Variants in MAP4K3 observed in about 807,000 individuals in gnomAD.
MAP4K3 encodes the protein mitogen-activated protein kinase kinase kinase kinase 3.
Under a neutral mutation model 143.5 loss-of-function variants are expected in MAP4K3, and 94 were observed. The ratio of observed to expected loss-of-function variants is 0.65; its 90% CI spans 0.55 to 0.78. The LOEUF is 0.78. Ranked by LOEUF, MAP4K3 falls within the 30% of genes least tolerant of loss-of-function variation. MAP4K3 has a pLI of 0.00. For missense variants in MAP4K3, 1,077 were observed against 1,068.1 expected (o/e 1.01, Z -0.12); for synonymous variants, 416 against 347.2 (o/e 1.20, Z -2.20).
At chr2:39,407,991 CTCCA>C (rs1353216385) in intron 1 of MAP4K3, among the ~76,000 whole-genome samples, 2 of 151,992 alleles carry the variant, frequency 1.3e-5, no homozygotes, top group Non-Finnish European at 2.9e-5. Flanking sequence ...GATAGGCTAA[CTCCA>C]TCCACTGTTT....
At chr2:39,380,184 C>T (rs1666323117) in intron 1 of MAP4K3, among the ~76,000 whole-genome samples, 1 of 152,056 alleles carries the variant, frequency 6.6e-6, no homozygotes, top group Non-Finnish European at 1.5e-5. Context: ...GAAATATCTT[C>T]CAATATGTAA....
In MAP4K3 at chr2:39,418,522, A is replaced by C. The variant is rs188716932; in HGVS notation, c.96+18370T>G. Among the ~76,000 whole-genome samples the C allele has an allele frequency of 5.4e-3, 824 of 152,268 alleles. 9 individuals carry two copies. The highest frequency in any genetic ancestry group is 0.019 in the African/African-American group (769 of 41,550). ...GCGCTGTGTTTAGTGACTTGCTTCC[A>C]AACAGAACAAAATGGAAAAGTGGGG... On this transcript the variant is annotated intron_variant, in intron 1 of 33. Coordinates refer to ENST00000263881, the MANE Select transcript of MAP4K3 (RefSeq NM_003618.4).
At chr2:39,416,222 T>A (rs1051665137) in intron 1 of MAP4K3, among the ~76,000 whole-genome samples, 1 of 151,512 alleles carries the variant, frequency 6.6e-6, no homozygotes, top group African/African-American at 2.4e-5. Flanking sequence ...AACTTCAGAA[T>A]AACTAAGCCT....
At chr2:39,280,594 G>A (rs79579910) in intron 22 of MAP4K3, among the ~76,000 whole-genome samples, 1 of 151,868 alleles carries the variant, frequency 6.6e-6, no homozygotes, top group Admixed American at 6.6e-5. Flanking sequence ...AAAAAAAAAG[G>A]TCTTATTTTT....
At position 39,284,618 on chromosome 2, in the gene MAP4K3, G is replaced by A. The variant is rs148314037; in HGVS notation, c.1588-2064C>T. Among the ~76,000 whole-genome samples the A allele has an allele frequency of 1.7e-3, 254 of 152,072 alleles. 6 individuals are homozygous for A. In the East Asian group the frequency reaches 0.024, roughly 14 times the overall value. On this transcript the variant is annotated intron_variant, in intron 21 of 33. Coordinates refer to ENST00000263881, the MANE Select transcript of MAP4K3 (RefSeq NM_003618.4). ...CCCAGCACTTTGGGAGGCTGAGGTA[G>A]GCAGATCATGAGGTCAAGGATTCGA...
chr2:39,306,401 A>G (rs1682708134), intron 15 of MAP4K3, among the ~76,000 whole-genome samples: 1 of 152,186 alleles, frequency 6.6e-6, no homozygotes, highest in Non-Finnish European at 1.5e-5. Flanking sequence ...TCTTTATGCC[A>G]TTGAACACAT....
intron 12 of MAP4K3, among the ~76,000 whole-genome samples, chr2:39,318,230 C>T (rs1006514969): frequency 2.1e-4 from 32 of 152,000 alleles, no homozygotes; most frequent in African/African-American, 7.0e-4. Flanking sequence ...GAACAATAGA[C>T]ATAGGGGCCA....
intron 28 of MAP4K3, chr2:39,261,002 G>A (rs897308344): frequency 1.5e-5 from 6 of 398,866 alleles, no homozygotes; most frequent in Admixed American, 1.3e-4. Context: ...ATTAAGGCTG[G>A]AAGGGAATTT....
At position 39,386,138 on chromosome 2, in the gene MAP4K3, A is replaced by G. The variant is rs74373435; in HGVS notation, c.97-8015T>C. 4.3e-3 allele frequency among the ~76,000 whole-genome samples: 662 copies of G among 152,342 alleles called. 21 individuals are homozygous for G. The South Asian group carries it at 0.05, about 11-fold the overall frequency. ...TTATATGGGTTGGCCCTAATCCAACAAGACTGATGTCCCTTTAAGAAAAGG... is the reference window on the plus strand; with the variant it reads ...TTATATGGGTTGGCCCTAATCCAACGAGACTGATGTCCCTTTAAGAAAAGG... On this transcript the variant is annotated intron_variant, in intron 1 of 33. Transcript: ENST00000263881.
chr2:39,356,736 C>T (rs1268953869), intron 2 of MAP4K3, among the ~76,000 whole-genome samples: 1 of 152,124 alleles, frequency 6.6e-6, no homozygotes, highest in South Asian at 2.1e-4. Flanking sequence ...TAGAACAGTG[C>T]CTGGCATGGA....
At chr2:39,382,989 C>A (rs1352401302) in intron 1 of MAP4K3, among the ~76,000 whole-genome samples, 1 of 152,158 alleles carries the variant, frequency 6.6e-6, no homozygotes, top group African/African-American at 2.4e-5. Context: ...GGCTTGGGGA[C>A]AGAAAACACA....
chr2:39,326,425 TC>T, intron 8 of MAP4K3, 148 bp from the exon 9 acceptor site: 2 of 711,922 alleles, frequency 2.8e-6, no homozygotes, highest in Non-Finnish European at 2.3e-6. Flanking sequence ...ACTTAAAAGG[TC>T]CACCTTTTCC....
At chr2:39,298,016 C>G (rs958670739) in intron 16 of MAP4K3, among the ~76,000 whole-genome samples, 1 of 151,466 alleles carries the variant, frequency 6.6e-6, no homozygotes, top group African/African-American at 2.4e-5. Context: ...TTTTTTTGTA[C>G]TTTGCATGTA....
intron 19 of MAP4K3, among the ~76,000 whole-genome samples, chr2:39,288,724 T>C (rs1317685404): frequency 6.6e-6 from 1 of 152,208 alleles, no homozygotes; most frequent in East Asian, 1.9e-4. Flanking sequence ...ATGCTTAATC[T>C]TTCAGACCAG....
At position 39,307,946 on chromosome 2, in the gene MAP4K3, A is replaced by T. The variant is rs139860595; in HGVS notation, c.1116T>A (p.Asn372Lys). The T allele has an allele frequency of 2.4e-4, 372 of 1,563,694 alleles. No individual in the cohort carries two copies. The highest frequency in any genetic ancestry group is 4.9e-4 in the South Asian group (40 of 82,224). Residue 372 changes from asparagine (N) to lysine (K), a missense_variant, in exon 15 of 34, where the codon AAT (asparagine) becomes AAA (lysine). Coordinates refer to ENST00000263881, the MANE Select transcript of MAP4K3 (RefSeq NM_003618.4). ...AAAATCAGAAGATGAGAAATACCAG[A>T]TTAGATCTTGCAGTGTAGTATATTT... ...SEEIYYTARS[N>K]LDLQLEYGQG...
chr2:39,369,903 C>T (rs917431252), intron 2 of MAP4K3, among the ~76,000 whole-genome samples: 34 of 152,214 alleles, frequency 2.2e-4, no homozygotes, highest in African/African-American at 8.0e-4. Context: ...TTACTGCCAG[C>T]ACCACCACCT....
At chr2:39,429,754 A>G (rs1665227199) in intron 1 of MAP4K3, among the ~76,000 whole-genome samples, 1 of 152,232 alleles carries the variant, frequency 6.6e-6, no homozygotes, top group Admixed American at 6.5e-5. Flanking sequence ...CCTAGAATAG[A>G]TAAAACCATT....
At chr2:39,411,532 C>T (rs1327991819) in intron 1 of MAP4K3, among the ~76,000 whole-genome samples, 2 of 152,192 alleles carry the variant, frequency 1.3e-5, no homozygotes, top group African/African-American at 4.8e-5. Context: ...TATGCTTATG[C>T]TTAATGTCTT....
intron 1 of MAP4K3, among the ~76,000 whole-genome samples, chr2:39,393,214 G>C (rs1666715103): frequency 6.6e-6 from 1 of 152,152 alleles, no homozygotes; most frequent in South Asian, 2.1e-4. Context: ...CTTCACCTGT[G>C]AATGTAGAGA....
Sources: allele counts gnomAD v4.1 joint callset (sites outside exome capture counted in the v4.1 genomes callset), GRCh38; gene constraint gnomAD v4.1.1; transcripts MANE v1.5; gene names NCBI Gene and HGNC (gene_info 2026-07-23, HGNC 2026-07-21).